Variants in NRXN3 observed in about 807,000 individuals in gnomAD.
The protein encoded by NRXN3 is neurexin III.
Under a neutral mutation model 137.6 loss-of-function variants are expected in NRXN3, and 32 were observed. That is an observed-to-expected ratio of 0.23 (90% CI 0.18 to 0.31). The LOEUF (loss-of-function observed/expected upper bound fraction) is 0.31. Among genes scored for constraint, NRXN3 ranks in the 10% least tolerant of loss-of-function variants. The pLI is 1.00. For synonymous variants in NRXN3, 798 were observed against 784.5 expected (o/e 1.02, Z -0.29); for missense variants, 1,574 against 2,062.5 (o/e 0.76, Z 4.59).
chr14:78,223,746 A>C (rs2064132862), intron 1 of NRXN3, among the ~76,000 whole-genome samples: 1 of 152,236 alleles, frequency 6.6e-6, no homozygotes, highest in Non-Finnish European at 1.5e-5. Context: ...AGATGTGGCC[A>C]GAGGTTGGGA....
chr14:79,422,880 A>G (rs1000717176), intron 15 of NRXN3, among the ~76,000 whole-genome samples: 1 of 151,740 alleles, frequency 6.6e-6, no homozygotes, highest in African/African-American at 2.4e-5. Context: ...TTGTATTTTT[A>G]GTAGAGACGG....
intron 19 of NRXN3, among the ~76,000 whole-genome samples, chr14:79,797,341 T>C (rs2140415927): frequency 6.6e-6 from 1 of 152,252 alleles, no homozygotes; most frequent in Middle Eastern, 3.4e-3. Flanking sequence ...GAGGGGAAAG[T>C]AATAGCTGGA....
intron 4 of NRXN3, among the ~76,000 whole-genome samples, chr14:78,394,909 A>G (rs558615252): frequency 6.6e-6 from 1 of 151,890 alleles, no homozygotes; most frequent in African/African-American, 2.4e-5. Context: ...CGGGGGCTGT[A>G]GTGATATCCC....
Position 78,726,848 on chromosome 14 carries a change from C to T in NRXN3, c.2044+11709C>T, listed in dbSNP as rs554219421. Among the ~76,000 whole-genome samples, 9 of 150,980 alleles carry T rather than the reference C, an allele frequency of 6.0e-5. No individual in the cohort carries two copies. In the South Asian group the frequency reaches 8.4e-4, roughly 14 times the overall value. The stretch of plus-strand genomic sequence containing the variant: ...TTTAGCCATTTTTATGTGTATAATA[C>T]GGTGGCATAAAGCACATTCACATTG... On this transcript the variant is annotated intron_variant, in intron 8 of 20. Coordinates refer to ENST00000335750, the MANE Select transcript of NRXN3 (RefSeq NM_001330195.2).
chr14:78,563,171 C>G (rs2096803181), intron 4 of NRXN3, among the ~76,000 whole-genome samples: 1 of 152,112 alleles, frequency 6.6e-6, no homozygotes, highest in East Asian at 1.9e-4. Context: ...GAAAACCAGG[C>G]AGAAAAAATA....
intron 10 of NRXN3, among the ~76,000 whole-genome samples, chr14:78,850,650 T>TC (rs1466569205): frequency 6.6e-6 from 1 of 152,142 alleles, no homozygotes; most frequent in African/African-American, 2.4e-5. Context: ...GGTTATAGCC[T>TC]TGTAGAAGAC....
chr14:78,391,383 G>GT (rs2090752272), intron 4 of NRXN3, among the ~76,000 whole-genome samples: 1 of 152,106 alleles, frequency 6.6e-6, no homozygotes. Flanking sequence ...TTTGTGGCAG[G>GT]TGTGGCTATG....
chr14:79,816,186 C>A (rs1449231542), intron 20 of NRXN3, among the ~76,000 whole-genome samples: 2 of 152,162 alleles, frequency 1.3e-5, no homozygotes, highest in Non-Finnish European at 2.9e-5. Flanking sequence ...AGGTCACATA[C>A]CTGCACATAA....
At chr14:78,299,617 A>G (rs1198904463) in intron 4 of NRXN3, among the ~76,000 whole-genome samples, 2 of 152,074 alleles carry the variant, frequency 1.3e-5, no homozygotes, top group Non-Finnish European at 2.9e-5. Flanking sequence ...GGCAAATGGG[A>G]TAGGCTGATG....
chr14:78,709,464 A>G lies in NRXN3; in HGVS notation c.1469A>G (p.Lys490Arg). 1 of 1,614,148 alleles carries G rather than the reference A, an allele frequency of 6.2e-7. No homozygotes were observed. Among genetic ancestry groups the G allele is most frequent in the Non-Finnish European group, 8.5e-7 (1 of 1,180,018 alleles). ...GGCCTGATCCTCTTCACTCATGGAA[A>G]GCCCCAAGAGAGGAAGGATGCTCGG... Reference protein sequence around the residue: ...PNGLILFTHGKPQERKDARSQ... With the variant: ...PNGLILFTHGRPQERKDARSQ... Residue 490 changes from lysine to arginine, a missense_variant, in exon 7 of 21, where the codon AAG becomes AGG. By Grantham distance (26) the Lys-to-Arg change is conservative. This residue lies in a region of NRXN3 where 718 missense variants were observed against 887.6 expected (regional missense o/e 0.81). Transcript: ENST00000335750.
chr14:79,278,000 TAGAG>T (rs2080571059), intron 15 of NRXN3, among the ~76,000 whole-genome samples: 2 of 152,182 alleles, frequency 1.3e-5, no homozygotes. Flanking sequence ...GTCTTTTTGT[TAGAG>T]AGACATAATG....
chr14:78,929,899 G>C (rs762539837), intron 10 of NRXN3, among the ~76,000 whole-genome samples: 1 of 152,186 alleles, frequency 6.6e-6, no homozygotes, highest in Admixed American at 6.5e-5. Flanking sequence ...AAGGTATGAT[G>C]ATAAAAGCTA....
intron 15 of NRXN3, among the ~76,000 whole-genome samples, chr14:79,461,912 C>G (rs551024293): frequency 6.6e-6 from 1 of 152,228 alleles, no homozygotes; most frequent in South Asian, 2.1e-4. Context: ...ATACTAAGTC[C>G]TGAGGCAATG....
intron 2 of NRXN3, among the ~76,000 whole-genome samples, chr14:78,274,387 A>C (rs2073263419): frequency 6.6e-6 from 1 of 152,292 alleles, no homozygotes; most frequent in African/African-American, 2.4e-5. Flanking sequence ...AAGGGGGAAA[A>C]GCCCCTTATA....
chr14:78,793,719 G>A (rs2098812577), intron 8 of NRXN3, among the ~76,000 whole-genome samples: 1 of 152,152 alleles, frequency 6.6e-6, no homozygotes, highest in Non-Finnish European at 1.5e-5. Context: ...GACTGACTTA[G>A]TTACCGAGGC....
chr14:78,963,830 C>T (rs1267068871), intron 11 of NRXN3, among the ~76,000 whole-genome samples: 2 of 152,104 alleles, frequency 1.3e-5, no homozygotes, highest in African/African-American at 4.8e-5. Context: ...CGCTGTGTTA[C>T]CTAGGCTGGA....
intron 15 of NRXN3, among the ~76,000 whole-genome samples, chr14:79,227,799 TCCCTTCC>T: frequency 1.5e-5 from 2 of 135,928 alleles, no homozygotes; most frequent in African/African-American, 2.8e-5. Context: ...CCTCCCTTCC[TCCCTTCC>T]TCCCTCCCTT....
At chr14:78,472,265 G>A (rs1319507132) in intron 4 of NRXN3, among the ~76,000 whole-genome samples, 2 of 152,166 alleles carry the variant, frequency 1.3e-5, no homozygotes, top group Admixed American at 6.5e-5. Context: ...GAGGGAAAAT[G>A]TGATATCCTG....
intron 6 of NRXN3, among the ~76,000 whole-genome samples, chr14:78,687,563 C>G (rs989409121): frequency 6.6e-6 from 1 of 152,124 alleles, no homozygotes; most frequent in Admixed American, 6.5e-5. Flanking sequence ...CAAACTGTTC[C>G]AAAATCTCAG....
Sources: allele counts gnomAD v4.1 joint callset (sites outside exome capture counted in the v4.1 genomes callset), GRCh38; gene constraint gnomAD v4.1.1; regional missense constraint gnomAD v4.1.1; transcripts MANE v1.5; gene names NCBI Gene and HGNC (gene_info 2026-07-23, HGNC 2026-07-21).